The following LHFPL3 variants were observed in gnomAD, a reference collection of about 807,000 sequenced individuals.
LHFPL3 encodes LHFPL tetraspan subfamily member 3.
LHFPL3 carries 5 observed loss-of-function variants against 19.3 expected under a neutral mutation model. The ratio of observed to expected loss-of-function variants is 0.26; its 90% CI spans 0.14 to 0.54. The LOEUF (loss-of-function observed/expected upper bound fraction) is 0.54. LHFPL3 is among the 20% of genes least tolerant of loss of function. The pLI is 0.94. For synonymous variants in LHFPL3, 133 were observed against 126.2 expected, an observed-to-expected ratio of 1.05 and a Z score of -0.36; for missense variants, 249 against 307.4, an observed-to-expected ratio of 0.81 and a Z score of 1.42.
intron 1 of LHFPL3, among the ~76,000 whole-genome samples, chr7:104,555,427 G>C (rs550589955): frequency 6.6e-6 from 1 of 152,302 alleles, no homozygotes; most frequent in East Asian, 1.9e-4. Context: ...AGGCAAGGAG[G>C]AGCAAGTCAC....
intron 1 of LHFPL3, among the ~76,000 whole-genome samples, chr7:104,424,964 AGAGT>A (rs1791811213): frequency 1.4e-5 from 2 of 139,826 alleles, no homozygotes; most frequent in South Asian, 4.7e-4. Flanking sequence ...CCTGGGCGAC[AGAGT>A]GAGACTCCAT....
At chr7:104,516,471 T>G (rs2115789591) in intron 1 of LHFPL3, among the ~76,000 whole-genome samples, 1 of 152,292 alleles carries the variant, frequency 6.6e-6, no homozygotes, top group Non-Finnish European at 1.5e-5. Flanking sequence ...TTTTAATAAT[T>G]ATTAGCATTA....
At chr7:104,452,346 C>T (rs971038416) in intron 1 of LHFPL3, among the ~76,000 whole-genome samples, 2 of 152,194 alleles carry the variant, frequency 1.3e-5, no homozygotes, top group Non-Finnish European at 2.9e-5. Flanking sequence ...AAGTTGTTTA[C>T]ACTTTTCATA....
intron 2 of LHFPL3, among the ~76,000 whole-genome samples, chr7:104,749,424 G>A (rs1431595266): frequency 3.9e-5 from 6 of 152,214 alleles, no homozygotes; most frequent in African/African-American, 1.4e-4. Context: ...AGCATTCCCT[G>A]AGGTAACACT....
intron 1 of LHFPL3, among the ~76,000 whole-genome samples, chr7:104,445,299 C>G (rs887639919): frequency 4.0e-5 from 6 of 149,604 alleles, no homozygotes; most frequent in Non-Finnish European, 8.8e-5. Context: ...ACATAAGAGT[C>G]AAGGACATCA....
intron 1 of LHFPL3, among the ~76,000 whole-genome samples, chr7:104,701,405 C>A (rs557639035): frequency 9.2e-5 from 14 of 152,116 alleles, no homozygotes; most frequent in Non-Finnish European, 2.1e-4. Context: ...GAAGCCTTAA[C>A]ACATATTTTG....
chr7:104,358,377 G>A (rs546012697), intron 1 of LHFPL3, among the ~76,000 whole-genome samples: 6 of 152,234 alleles, frequency 3.9e-5, no homozygotes, highest in South Asian at 2.1e-4. Context: ...CAGTGGGCTC[G>A]AAATTGAAAC....
intron 1 of LHFPL3, among the ~76,000 whole-genome samples, chr7:104,618,066 C>T (rs1186599553): frequency 6.6e-6 from 1 of 152,110 alleles, no homozygotes; most frequent in Non-Finnish European, 1.5e-5. Context: ...GTCTGCGTTG[C>T]CCTCCAGACC....
At chr7:104,503,992 G>T (rs754931272) in intron 1 of LHFPL3, among the ~76,000 whole-genome samples, 2 of 152,148 alleles carry the variant, frequency 1.3e-5, no homozygotes, top group African/African-American at 2.4e-5. Flanking sequence ...GAAAATAACT[G>T]CTCATCACAC....
At chr7:104,626,875 A>T (rs1479378711) in intron 1 of LHFPL3, among the ~76,000 whole-genome samples, 2 of 152,224 alleles carry the variant, frequency 1.3e-5, no homozygotes, top group African/African-American at 4.8e-5. Flanking sequence ...TCAATTGATG[A>T]ATACAAAATG....
At chr7:104,448,362 C>T (rs1027640785) in intron 1 of LHFPL3, among the ~76,000 whole-genome samples, 1 of 152,176 alleles carries the variant, frequency 6.6e-6, no homozygotes, top group African/African-American at 2.4e-5. Context: ...CATCTTCTTC[C>T]TTGGCAGGCA....
chr7:104,388,095 T>C (rs1053746475), intron 1 of LHFPL3, among the ~76,000 whole-genome samples: 2 of 152,178 alleles, frequency 1.3e-5, no homozygotes, highest in African/African-American at 2.4e-5. Flanking sequence ...GGTCCATCCA[T>C]GTTGCTTCAA....
intron 1 of LHFPL3, among the ~76,000 whole-genome samples, chr7:104,596,926 T>C (rs1489807620): frequency 3.9e-5 from 6 of 152,248 alleles, no homozygotes; most frequent in Non-Finnish European, 7.3e-5. Context: ...TCATCCATTT[T>C]ATCCCCAATA....
At chr7:104,522,138 A>G (rs1380614460) in intron 1 of LHFPL3, among the ~76,000 whole-genome samples, 16 of 152,162 alleles carry the variant, frequency 1.1e-4, no homozygotes, top group Admixed American at 1.0e-3. Flanking sequence ...GAACCAACCC[A>G]AATGTCCAAC....
intron 1 of LHFPL3, among the ~76,000 whole-genome samples, chr7:104,477,632 A>C (rs982507221): frequency 6.6e-6 from 1 of 152,180 alleles, no homozygotes; most frequent in African/African-American, 2.4e-5. Flanking sequence ...GAATCAGGAA[A>C]AAATAACTAT....
chr7:104,513,807 C>A (rs1301858225), intron 1 of LHFPL3, among the ~76,000 whole-genome samples: 3 of 152,154 alleles, frequency 2.0e-5, no homozygotes, highest in Non-Finnish European at 2.9e-5. Context: ...TGGGCAACAG[C>A]GTTTTTAAAG....
At chr7:104,523,318 A>G (rs1794115399) in intron 1 of LHFPL3, among the ~76,000 whole-genome samples, 1 of 152,186 alleles carries the variant, frequency 6.6e-6, no homozygotes, top group Non-Finnish European at 1.5e-5. Flanking sequence ...ACTATATAAA[A>G]CACACATACA....
At chr7:104,620,774 G>A (rs535772989) in intron 1 of LHFPL3, among the ~76,000 whole-genome samples, 1 of 152,182 alleles carries the variant, frequency 6.6e-6, no homozygotes, top group African/African-American at 2.4e-5. Context: ...CAGTTTGGGG[G>A]TTTATGATCA....
intron 1 of LHFPL3, among the ~76,000 whole-genome samples, chr7:104,380,127 A>G (rs922579859): frequency 6.6e-6 from 1 of 152,180 alleles, no homozygotes; most frequent in South Asian, 2.1e-4. Context: ...GTGACCTTGA[A>G]CAAGTAATTG....
Sources: allele counts gnomAD v4.1 joint callset (sites outside exome capture counted in the v4.1 genomes callset), GRCh38; gene constraint gnomAD v4.1.1; transcripts MANE v1.5; gene names NCBI Gene and HGNC (gene_info 2026-07-23, HGNC 2026-07-21).